NMRK1: variants seen among roughly 807,000 people sequenced by gnomAD.
The protein encoded by NMRK1 is NRK 1.
Under a neutral mutation model 29.9 loss-of-function variants are expected in NMRK1, and 28 were observed. The ratio of observed to expected loss-of-function variants is 0.94; its 90% confidence interval spans 0.69 to 1.28. The LOEUF (loss-of-function observed/expected upper bound fraction) is 1.28. Ranked by LOEUF, NMRK1 falls within the 50% of genes most tolerant of loss-of-function variation. The pLI is 0.00. For missense variants in NMRK1, 218 were observed against 233.1 expected, an observed-to-expected ratio of 0.94 and a Z score of 0.42; for synonymous variants, 58 against 73.0, an observed-to-expected ratio of 0.79 and a Z score of 1.05.
In NMRK1 at chr9:75,066,859, A is replaced by G. The variant is rs1823384192; in HGVS notation, c.497-19T>C. On this transcript the variant is annotated intron_variant, in intron 7 of 8. Transcript: ENST00000361092. Reference sequence around the variant, plus strand: ...AGGTACACTACGAAGGGGAAAAGAGAGCAGTTCAAATGCTAACAGGCTTAT... The same window carrying G: ...AGGTACACTACGAAGGGGAAAAGAGGGCAGTTCAAATGCTAACAGGCTTAT... The G allele has an allele frequency of 2.1e-6, 3 of 1,409,132 alleles. No homozygotes were observed. Among genetic ancestry groups the G allele is most frequent in the African/African-American group, 1.4e-5 (1 of 70,204 alleles). 87.3% of individuals were successfully genotyped at this position (1,409,132 alleles called of 1,614,324 possible).
Position 75,068,983 on chromosome 9 carries a change from A to C in NMRK1, c.496+13T>G. Reference sequence around the variant, plus strand: ...AGTAAAAGGCCTTGAACAGAAGGAGAAAAGGCACTTACCAACTTCCCATGT... The same window carrying C: ...AGTAAAAGGCCTTGAACAGAAGGAGCAAAGGCACTTACCAACTTCCCATGT... On this transcript the variant is annotated intron_variant, in intron 7 of 8. Transcript: ENST00000361092. 6.4e-7 allele frequency: 1 copy of C among 1,574,078 alleles called. No individual in the cohort carries two copies. The highest frequency in any genetic ancestry group is 8.7e-7 in the Non-Finnish European group (1 of 1,143,652).
At chr9:75,083,722 G>A (rs1485762956) in intron 1 of NMRK1, among the ~76,000 whole-genome samples, 4 of 152,184 alleles carry the variant, frequency 2.6e-5, no homozygotes, top group Non-Finnish European at 1.5e-5. Context: ...CAAAAGCCTA[G>A]GTCTTGGGCC....
At chr9:75,078,555 A>C (rs1824141794) in intron 2 of NMRK1, 1 of 1,280,344 alleles carries the variant, frequency 7.8e-7, no homozygotes, top group African/African-American at 1.5e-5. Flanking sequence ...TCATTTATTG[A>C]AAGCGTGTTT....
At chr9:75,078,300 G>A (rs754252141) in intron 2 of NMRK1, 18 of 1,557,018 alleles carry the variant, frequency 1.2e-5, no homozygotes, top group Middle Eastern at 3.3e-4. Flanking sequence ...AAAAACAGAG[G>A]AGTGGCTTAT....
chr9:75,077,453 T>G (rs776678119), intron 3 of NMRK1, 37 bp downstream of exon 3: 10 of 1,347,674 alleles, frequency 7.4e-6, no homozygotes, highest in Non-Finnish European at 9.5e-6. Context: ...TAAACATTTT[T>G]GTATTAAATA....
intron 2 of NMRK1, 113 bp downstream of exon 2, chr9:75,082,974 T>C: frequency 1.3e-6 from 1 of 785,052 alleles, no homozygotes; most frequent in Non-Finnish European, 2.3e-6. Context: ...GGTCTGCTCT[T>C]CCCCAGGACT....
At chr9:75,079,558 A>C (rs942052617) in intron 2 of NMRK1, among the ~76,000 whole-genome samples, 5 of 152,116 alleles carry the variant, frequency 3.3e-5, no homozygotes, top group African/African-American at 1.2e-4. Context: ...CCATTTTTGC[A>C]CAAGCCTTGG....
intron 4 of NMRK1, among the ~76,000 whole-genome samples, chr9:75,073,578 T>A (rs566690470): frequency 9.5e-5 from 14 of 148,066 alleles, no homozygotes; most frequent in Admixed American, 7.4e-4. Context: ...AAATCTACTT[T>A]AAAAAAAAAA....
chr9:75,065,895 C>T (rs193049720), intron 8 of NMRK1, among the ~76,000 whole-genome samples: 4 of 152,298 alleles, frequency 2.6e-5, no homozygotes, highest in South Asian at 2.1e-4. Context: ...TTTATCAACT[C>T]GTTGTCAAAT....
intron 8 of NMRK1, among the ~76,000 whole-genome samples, chr9:75,063,524 T>G (rs77214414): frequency 0.011 from 1,605 of 152,316 alleles, 25 homozygotes; most frequent in African/African-American, 0.035. Context: ...TGGATTTAAA[T>G]AAGGATTAAA....
intron 2 of NMRK1, among the ~76,000 whole-genome samples, chr9:75,081,941 A>C (rs774112962): frequency 5.3e-5 from 8 of 152,210 alleles, no homozygotes; most frequent in Non-Finnish European, 1.0e-4. Flanking sequence ...AATGAAAGAC[A>C]CATAAAAGAG....
In NMRK1 at chr9:75,061,345, G is replaced by A; in HGVS notation, c.*203C>T. 1 of 522,448 alleles carries A rather than the reference G, an allele frequency of 1.9e-6. No homozygotes were observed. The highest frequency in any genetic ancestry group is 3.4e-6 in the Non-Finnish European group (1 of 295,972). The allele number at this position is 522,448 out of a possible 1,614,324, so 32.4% of individuals were successfully genotyped here. On this transcript the variant is annotated 3_prime_UTR_variant, in exon 9 of 9. Coordinates refer to ENST00000361092, the MANE Select transcript of NMRK1 (RefSeq NM_017881.3). The stretch of plus-strand genomic sequence containing the variant: ...TATCTATGCGCTCCCTGGAGAGGGA[G>A]CAACTTGCTAAGGTACAGTCCTGTC...
intron 1 of NMRK1, among the ~76,000 whole-genome samples, chr9:75,086,541 T>C (rs1003353679): frequency 6.6e-6 from 1 of 152,210 alleles, no homozygotes; most frequent in Non-Finnish European, 1.5e-5. Flanking sequence ...AAATGTTGGG[T>C]TTTTTAAAAT....
intron 1 of NMRK1, 72 bp downstream of exon 1, chr9:75,087,936 A>G (rs1275953768): frequency 6.5e-6 from 1 of 153,702 alleles, no homozygotes; most frequent in Admixed American, 6.5e-5. Context: ...CCAGCACAGA[A>G]ACCCTCTGGA....
chr9:75,064,730 T>C (rs1444656787), intron 8 of NMRK1, among the ~76,000 whole-genome samples: 1 of 152,176 alleles, frequency 6.6e-6, no homozygotes, highest in Non-Finnish European at 1.5e-5. Context: ...GTAGGAAATC[T>C]AATTCTTACT....
In NMRK1 at chr9:75,069,827, A is replaced by G. The variant is rs1469453716; in HGVS notation, c.318-14T>C. On this transcript the variant is annotated splice_polypyrimidine_tract_variant and intron_variant, in intron 5 of 8. Transcript: ENST00000361092. ...GTGTCAAGGGGCCTAAAATAACAGC[A>G]TACTTAGTTCACAAGGGTTTTTATC... is the stretch of plus-strand genomic sequence containing the variant. 6.2e-7 allele frequency: 1 copy of G among 1,612,388 alleles called. No homozygotes were observed. The highest frequency in any genetic ancestry group is 8.5e-7 in the Non-Finnish European group (1 of 1,179,128).
chr9:75,085,910 A>G (rs964011641), intron 1 of NMRK1, among the ~76,000 whole-genome samples: 2 of 118,198 alleles, frequency 1.7e-5, no homozygotes, highest in Admixed American at 1.1e-4. Context: ...AAGAGAGGCA[A>G]CTGGGCTAAG....
rs1386515228 is a variant in NMRK1 at position 75,077,593 on chromosome 9, A to G, written c.30-13T>C. On this transcript the variant is annotated splice_polypyrimidine_tract_variant and intron_variant, in intron 2 of 8. Transcript: ENST00000361092. ...ACTGTTTGTCACACTGAAGCAAAGA[A>G]AAAAGAAAGTACCAAGAAGGAAAAT... 1 of 1,594,594 alleles carries G rather than the reference A, an allele frequency of 6.3e-7. No individual in the cohort carries two copies. The highest frequency in any genetic ancestry group is 2.2e-5 in the East Asian group (1 of 44,782).
chr9:75,076,845 G>A (rs951314498), intron 4 of NMRK1, among the ~76,000 whole-genome samples: 1 of 152,088 alleles, frequency 6.6e-6, no homozygotes, highest in Non-Finnish European at 1.5e-5. Context: ...TGCCTGCCTC[G>A]GCCTTCCAAA....
Sources: gnomAD v4.1 joint callset for allele counts (sites outside exome capture counted in the v4.1 genomes callset) on GRCh38, gnomAD v4.1.1 for gene constraint, MANE v1.5 for transcripts, NCBI Gene and HGNC (gene_info 2026-07-23, HGNC 2026-07-21) for gene names.